The following SYT6 variants were observed in gnomAD, a reference collection of about 807,000 sequenced individuals.
SYT6 encodes the protein synaptotagmin-6.
In SYT6, 24 loss-of-function variants were observed where a neutral mutation model predicts 38.4. The ratio of observed to expected loss-of-function variants is 0.62; its 90% CI spans 0.45 to 0.88. SYT6 has a LOEUF of 0.88. Among genes scored for constraint, SYT6 ranks in the 40% least tolerant of loss-of-function variants. SYT6 has a pLI of 0.00. For synonymous variants in SYT6, 265 were observed against 241.9 expected, an observed-to-expected ratio of 1.10 and a Z score of -0.89; for missense variants, 611 against 621.0, an observed-to-expected ratio of 0.98 and a Z score of 0.17.
At chr1:114,143,480 A>T (rs1678982168) in intron 1 of SYT6, among the ~76,000 whole-genome samples, 2 of 148,874 alleles carry the variant, frequency 1.3e-5, no homozygotes, top group Non-Finnish European at 3.0e-5. Flanking sequence ...ATATACATAC[A>T]TACATATGTA....
Position 114,137,543 on chromosome 1 carries a change from G to T in SYT6, c.1023C>A (p.Asp341Glu), listed in dbSNP as rs1340448454. 6.2e-7 allele frequency: 1 copy of T among 1,614,100 alleles called. No homozygotes were observed. The highest frequency in any genetic ancestry group is 2.2e-5 in the East Asian group (1 of 44,896). Residue 341 changes from aspartate (D) to glutamate (E), a missense_variant, in exon 3 of 8, where the codon GAC becomes GAA. Asp to Glu is a conservative substitution (Grantham distance 45). Coordinates refer to ENST00000610222, the MANE Select transcript of SYT6 (RefSeq NM_001253772.2). The part of the protein sequence containing the change: ...VILDNLFEAS[D>E]LSRETSIWKD... ...TCCAGATGGAGGTTTCCCGAGACAG[G>T]TCAGAGGCCTCAAAGAGGTTGTCCA...
chr1:114,123,435 G>A (rs957515058), intron 3 of SYT6, among the ~76,000 whole-genome samples: 2 of 152,130 alleles, frequency 1.3e-5, no homozygotes, highest in African/African-American at 4.8e-5. Context: ...GTGGGTGCAG[G>A]GGTGGCTCAA....
intron 7 of SYT6, among the ~76,000 whole-genome samples, chr1:114,093,153 G>T (rs1675423892): frequency 6.6e-6 from 1 of 152,134 alleles, no homozygotes; most frequent in South Asian, 2.1e-4. Flanking sequence ...GAGGTTTGGG[G>T]TCGGGGGAGG....
rs1362784939 is a variant in SYT6, at chr1:114,091,365, A to G, written c.*769T>C. 1.3e-5 allele frequency: 2 copies of G among 152,454 alleles called. No homozygotes were observed. The highest frequency in any genetic ancestry group is 2.9e-5 in the Non-Finnish European group (2 of 68,054). The allele number at this position is 152,454 out of a possible 1,614,324, so 9.4% of individuals were successfully genotyped here. A position where few individuals can be genotyped will look rare whatever the true frequency, so the allele number is the denominator to read the frequency against. On this transcript the variant is annotated 3_prime_UTR_variant, in exon 8 of 8. Coordinates refer to ENST00000610222, the MANE Select transcript of SYT6 (RefSeq NM_001253772.2). ...AGTGACTAAGTTCCCATGAGGAATC[A>G]AGACGTTTTCAATTCATGGGGAAAG... is the stretch of plus-strand genomic sequence containing the variant.
intron 3 of SYT6, among the ~76,000 whole-genome samples, chr1:114,125,039 A>G (rs555260924): frequency 1.3e-5 from 2 of 152,284 alleles, no homozygotes; most frequent in South Asian, 4.1e-4. Flanking sequence ...CTGCACATAA[A>G]TTGTCATCTG....
chr1:114,139,563 T>C (rs1678724424), intron 2 of SYT6, 52 bp downstream of exon 2: 2 of 1,608,728 alleles, frequency 1.2e-6, no homozygotes, highest in African/African-American at 2.7e-5. Flanking sequence ...ATAGATGTAT[T>C]AAGGGAGTGT....
intron 3 of SYT6, among the ~76,000 whole-genome samples, chr1:114,129,111 C>A (rs79356431): frequency 0.057 from 8,624 of 152,264 alleles, 304 homozygotes; most frequent in African/African-American, 0.095. Context: ...CCCAACTCAG[C>A]ATCCCAAGTT....
At chr1:114,151,219 A>G (rs1161092951) in intron 1 of SYT6, among the ~76,000 whole-genome samples, 1 of 152,096 alleles carries the variant, frequency 6.6e-6, no homozygotes, top group African/African-American at 2.4e-5. Context: ...CTCAACCACT[A>G]TCTTTCTCTT....
chr1:114,143,280 C>T (rs989658016), intron 1 of SYT6, among the ~76,000 whole-genome samples: 2 of 148,188 alleles, frequency 1.3e-5, no homozygotes, highest in Non-Finnish European at 3.0e-5. Context: ...ATTAAGTGTA[C>T]AATAGAATTA....
At chr1:114,095,426 C>A (rs1246198367) in intron 6 of SYT6, among the ~76,000 whole-genome samples, 2 of 152,202 alleles carry the variant, frequency 1.3e-5, no homozygotes, top group East Asian at 3.8e-4. Context: ...CAACACCCCA[C>A]CCCCAGCTGT....
At chr1:114,107,464 C>T (rs554027329) in intron 3 of SYT6, among the ~76,000 whole-genome samples, 1 of 152,332 alleles carries the variant, frequency 6.6e-6, no homozygotes, top group East Asian at 1.9e-4. Flanking sequence ...CAAGATCCCA[C>T]TATGACCTGG....
intron 3 of SYT6, among the ~76,000 whole-genome samples, chr1:114,114,171 G>C (rs1321957999): frequency 2.6e-5 from 4 of 152,238 alleles, no homozygotes; most frequent in Non-Finnish European, 5.9e-5. Context: ...GCCAGGACAA[G>C]GGTGAGGCAA....
At chr1:114,105,104 A>C (rs1489129250) in intron 3 of SYT6, among the ~76,000 whole-genome samples, 1 of 152,172 alleles carries the variant, frequency 6.6e-6, no homozygotes, top group East Asian at 1.9e-4. Flanking sequence ...TTAGATAGTC[A>C]AAAGTATCAA....
intron 1 of SYT6, among the ~76,000 whole-genome samples, chr1:114,143,096 G>C (rs1387499250): frequency 6.7e-6 from 1 of 149,710 alleles, no homozygotes; most frequent in African/African-American, 2.5e-5. Context: ...GTATATTACA[G>C]TATATTTTAT....
chr1:114,104,072 C>T (rs1031905010), intron 3 of SYT6, among the ~76,000 whole-genome samples: 1 of 152,208 alleles, frequency 6.6e-6, no homozygotes, highest in Admixed American at 6.5e-5. Flanking sequence ...TCCTGTTCTC[C>T]TCCAGCCCAC....
At chr1:114,149,748 C>G (rs1021946128) in intron 1 of SYT6, among the ~76,000 whole-genome samples, 23 of 151,982 alleles carry the variant, frequency 1.5e-4, no homozygotes, top group African/African-American at 4.8e-4. Context: ...GGGCAGACAG[C>G]CAGAAATTCT....
At chr1:114,106,630 G>T (rs1676329254) in intron 3 of SYT6, among the ~76,000 whole-genome samples, 1 of 151,938 alleles carries the variant, frequency 6.6e-6, no homozygotes, top group African/African-American at 2.4e-5. Context: ...CCACATGGCT[G>T]GTATATTGTT....
intron 1 of SYT6, among the ~76,000 whole-genome samples, chr1:114,149,223 G>GTGTGTGTGTGTGTGCGCGCA (rs1553185743): frequency 7.5e-6 from 1 of 133,264 alleles, no homozygotes; most frequent in African/African-American, 3.1e-5. Flanking sequence ...GAGATTGTGT[G>GTGTGTGTGTGTGTGCGCGCA]TGTGTGTGTG....
rs1457051114 is a variant in SYT6, at chr1:114,092,028, G to A, written c.*106C>T. Reference sequence around the variant, plus strand: ...TGCACATCTCATGGTGTTGGAGGTGGTTTCGGAGATGGGCACGAGCTCTCA... The same window carrying A: ...TGCACATCTCATGGTGTTGGAGGTGATTTCGGAGATGGGCACGAGCTCTCA... On this transcript the variant is annotated 3_prime_UTR_variant, in exon 8 of 8. Transcript: ENST00000610222. 6.5e-7 allele frequency: 1 copy of A among 1,536,194 alleles called. No homozygotes were observed. The highest frequency in any genetic ancestry group is 1.4e-5 in the African/African-American group (1 of 73,070).
Sources: allele counts gnomAD v4.1 joint callset (sites outside exome capture counted in the v4.1 genomes callset), GRCh38; gene constraint gnomAD v4.1.1; transcripts MANE v1.5; gene names NCBI Gene and HGNC (gene_info 2026-07-23, HGNC 2026-07-21).